NGFR: variants seen among roughly 807,000 people sequenced by gnomAD.
The protein encoded by NGFR is nerve growth factor receptor.
Under a neutral mutation model 43.2 loss-of-function variants are expected in NGFR, and 30 were observed. That is an observed-to-expected ratio of 0.69 (90% CI 0.52 to 0.94). The LOEUF (loss-of-function observed/expected upper bound fraction) is 0.94. NGFR is among the 40% of genes least tolerant of loss of function. NGFR has a pLI of 0.00. For missense variants in NGFR, 529 were observed against 602.5 expected, an observed-to-expected ratio of 0.88 and a Z score of 1.28; for synonymous variants, 246 against 259.6, an observed-to-expected ratio of 0.95 and a Z score of 0.50.
intron 1 of NGFR, chr17:49,497,927 G>C (rs1012013199): frequency 6.6e-6 from 1 of 152,336 alleles, no homozygotes; most frequent in African/African-American, 2.4e-5. Context: ...CTTCCCTGGG[G>C]GACCGCGTGG....
chr17:49,495,699 G>A lies in NGFR; in HGVS notation c.66+216G>A. 1 of 417,914 alleles carries A rather than the reference G, an allele frequency of 2.4e-6. No individual in the cohort carries two copies. Among genetic ancestry groups the A allele is most frequent in the Non-Finnish European group, 4.1e-6 (1 of 244,898 alleles). 25.9% of individuals were successfully genotyped at this position (417,914 alleles called of 1,614,324 possible). On this transcript the variant is annotated intron_variant, in intron 1 of 5. Coordinates refer to ENST00000172229, the MANE Select transcript of NGFR (RefSeq NM_002507.4). The surrounding 1 kb of genome is among the most constrained non-coding windows in gnomAD (Gnocchi z 6.4). ...CCAGGGTGGAGATGAGGGCAAGACC[G>A]GAGCACGGATGCCGGTCCTCAGGTA...
intron 1 of NGFR, 63 bp from the exon 2 acceptor site, chr17:49,502,000 A>AGGGGGCCCCC: frequency 3.8e-6 from 1 of 264,886 alleles, no homozygotes; most frequent in African/African-American, 2.4e-5. Context: ...CCCCGGAAGA[A>AGGGGGCCCCC]CCCCCCCCAA....
chr17:49,499,986 A>G (rs9908234), intron 1 of NGFR, among the ~76,000 whole-genome samples: 23,661 of 151,408 alleles, frequency 0.16, 2,859 homozygotes, highest in African/African-American at 0.32. Flanking sequence ...TTCAGGTCAC[A>G]CTCTGGTAGC....
chr17:49,502,347 C>A, intron 2 of NGFR, 143 bp downstream of exon 2: 2 of 905,206 alleles, frequency 2.2e-6, no homozygotes, highest in Non-Finnish European at 3.1e-6. Flanking sequence ...GGGTCTGACC[C>A]AGTGTAGGAG....
intron 3 of NGFR, among the ~76,000 whole-genome samples, chr17:49,507,711 C>T (rs895851766): frequency 2.3e-4 from 35 of 152,204 alleles, no homozygotes; most frequent in African/African-American, 8.0e-4. Flanking sequence ...GAGCTATTTC[C>T]CTTTGAGAAC....
rs1331817367 is a variant in NGFR, at chr17:49,514,132, CGGGG to C, written c.*1124_*1127del. ...TCTTGGGCTGAGACTGGATACTGCC[CGGGG>C]CAGCTGCCAGAGAAGCATCGGAGGG... On this transcript the variant is annotated 3_prime_UTR_variant, in exon 6 of 6. Coordinates refer to ENST00000172229, the MANE Select transcript of NGFR (RefSeq NM_002507.4). 6.5e-6 allele frequency: 1 copy of C among 153,024 alleles called. No homozygotes were observed. Among genetic ancestry groups the C allele is most frequent in the East Asian group, 1.9e-4 (1 of 5,274 alleles). The allele number at this position is 153,024 out of a possible 1,614,324, so 9.5% of individuals were successfully genotyped here.
At chr17:49,501,999 A>AGCCCCCCCCCCC in intron 1 of NGFR, 64 bp from the exon 2 acceptor site, 1 of 330,982 alleles carries the variant, frequency 3.0e-6, no homozygotes, top group Non-Finnish European at 5.9e-6. Context: ...TCCCCGGAAG[A>AGCCCCCCCCCCC]ACCCCCCCCA....
In NGFR at chr17:49,513,177, C is replaced by T; in HGVS notation, c.*168C>T. Reference sequence around the variant, plus strand: ...CCCCAAAACCACAGCCCTGTCAGTGCAGCCCGTGTGGCCCCTTCACTTCTG... The same window carrying T: ...CCCCAAAACCACAGCCCTGTCAGTGTAGCCCGTGTGGCCCCTTCACTTCTG... On this transcript the variant is annotated 3_prime_UTR_variant, in exon 6 of 6. Transcript: ENST00000172229. 1 of 688,844 alleles carries T rather than the reference C, an allele frequency of 1.5e-6. No individual in the cohort carries two copies. 42.7% of individuals were successfully genotyped at this position (688,844 alleles called of 1,614,324 possible). A position where few individuals can be genotyped will look rare whatever the true frequency, so the allele number is the denominator to read the frequency against.
At chr17:49,502,017 C>CCCCCCA in intron 1 of NGFR, 46 bp from the exon 2 acceptor site, 1 of 1,305,690 alleles carries the variant, frequency 7.7e-7, no homozygotes. Flanking sequence ...CCAACCCACC[C>CCCCCCA]CAGCTTTCTC....
At chr17:49,506,699 G>GGGGGGGGCC in intron 3 of NGFR, 41 bp downstream of exon 3, 1 of 402,094 alleles carries the variant, frequency 2.5e-6, no homozygotes, top group Non-Finnish European at 4.3e-6. Context: ...GGGGTGCGGG[G>GGGGGGGGCC]GTGGGCTGGG....
Position 49,512,638 on chromosome 17 carries a change from C to A in NGFR, c.983-70C>A. The A allele has an allele frequency of 6.7e-7, 1 of 1,502,570 alleles. No homozygotes were observed. Among genetic ancestry groups the A allele is most frequent in the Non-Finnish European group, 8.9e-7 (1 of 1,119,956 alleles). 93.1% of individuals were successfully genotyped at this position (1,502,570 alleles called of 1,614,324 possible). On this transcript the variant is annotated intron_variant, in intron 5 of 5. Coordinates refer to ENST00000172229, the MANE Select transcript of NGFR (RefSeq NM_002507.4). The surrounding 1 kb of genome is among the most constrained non-coding windows in gnomAD (Gnocchi z 5.2). ...CACTGCCTCGGCCCTTCTTGGGTCT[C>A]ACCCCAGTGCCCACTGTTGGGGAAA... is the stretch of plus-strand genomic sequence containing the variant.
At chr17:49,501,999 A>ATGGGGGCC in intron 1 of NGFR, 64 bp from the exon 2 acceptor site, 9 of 330,984 alleles carry the variant, frequency 2.7e-5, no homozygotes, top group Non-Finnish European at 2.9e-5. Flanking sequence ...TCCCCGGAAG[A>ATGGGGGCC]ACCCCCCCCA....
intron 2 of NGFR, among the ~76,000 whole-genome samples, chr17:49,502,658 T>C (rs1208561345): frequency 6.6e-6 from 1 of 152,268 alleles, no homozygotes; most frequent in Non-Finnish European, 1.5e-5. Context: ...GGTGTGGCTG[T>C]TCCTCCCTAC....
chr17:49,502,017 C>T, intron 1 of NGFR, 46 bp from the exon 2 acceptor site: 1 of 1,305,690 alleles, frequency 7.7e-7, no homozygotes, highest in Non-Finnish European at 1.0e-6. Context: ...CCAACCCACC[C>T]CAGCTTTCTC....
rs903747468 is a variant in NGFR, at chr17:49,512,562, G to T, written c.983-146G>T. ...TCCCCCCAGGTGCCTTCACTTCCTG[G>T]TGCCCCACCCAGGACCTTGTCTTGG... On this transcript the variant is annotated intron_variant, in intron 5 of 5. Coordinates refer to ENST00000172229, the MANE Select transcript of NGFR (RefSeq NM_002507.4). The surrounding 1 kb of genome is among the most constrained non-coding windows in gnomAD (Gnocchi z 5.2). The T allele has an allele frequency of 9.5e-7, 1 of 1,050,162 alleles. No individual in the cohort carries two copies. Among genetic ancestry groups the T allele is most frequent in the African/African-American group, 1.6e-5 (1 of 62,656 alleles). 65.1% of individuals were successfully genotyped at this position (1,050,162 alleles called of 1,614,324 possible).
chr17:49,497,674 G>C (rs1244141429), intron 1 of NGFR: 1 of 152,338 alleles, frequency 6.6e-6, no homozygotes, highest in Non-Finnish European at 1.5e-5. Flanking sequence ...GCTGAAACCA[G>C]AGCGCGTCCC....
rs367830703 is a variant in NGFR, at chr17:49,514,147, A to G, written c.*1138A>G. Reference sequence around the variant, plus strand: ...GGATACTGCCCGGGGCAGCTGCCAGAGAAGCATCGGAGGGAATTGAGGTCT... The same window carrying G: ...GGATACTGCCCGGGGCAGCTGCCAGGGAAGCATCGGAGGGAATTGAGGTCT... On this transcript the variant is annotated 3_prime_UTR_variant, in exon 6 of 6. Transcript: ENST00000172229. 9 of 153,766 alleles carry G rather than the reference A, an allele frequency of 5.9e-5. No homozygotes were observed. Among genetic ancestry groups the G allele is most frequent in the African/African-American group, 2.2e-4 (9 of 41,586 alleles). The allele number at this position is 153,766 out of a possible 1,614,324, so 9.5% of individuals were successfully genotyped here.
rs574395990 is a variant in NGFR at position 49,506,301 on chromosome 17, G to A, written c.211G>A (p.Val71Met). The part of the protein sequence containing the change: ...QTVCEPCLDS[V>M]TFSDVVSATE... ...AATCTGGTGTCCGCTGCGCTCAGGCGTGACGTTCTCCGACGTGGTGAGCGC... is the reference window on the plus strand; with the variant it reads ...AATCTGGTGTCCGCTGCGCTCAGGCATGACGTTCTCCGACGTGGTGAGCGC... Residue 71 changes from valine (V) to methionine (M), a missense_variant and splice_region_variant, in exon 3 of 6, where the codon GTG becomes ATG. Coordinates refer to ENST00000172229, the MANE Select transcript of NGFR (RefSeq NM_002507.4). 8 of 1,557,046 alleles carry A rather than the reference G, an allele frequency of 5.1e-6. No homozygotes were observed. Among genetic ancestry groups the A allele is most frequent in the South Asian group, 1.2e-5 (1 of 85,624 alleles).
At chr17:49,498,260 T>A (rs1262692349) in intron 1 of NGFR, among the ~76,000 whole-genome samples, 1 of 152,182 alleles carries the variant, frequency 6.6e-6, no homozygotes, top group Non-Finnish European at 1.5e-5. Flanking sequence ...TCGTGCCCTA[T>A]GCCTTTGGCC....
Sources: allele counts gnomAD v4.1 joint callset (sites outside exome capture counted in the v4.1 genomes callset), GRCh38; gene constraint gnomAD v4.1.1; non-coding constraint Gnocchi (gnomAD v3.1); transcripts MANE v1.5; gene names NCBI Gene and HGNC (gene_info 2026-07-23, HGNC 2026-07-21).